The following BEND5 variants were observed in gnomAD, a reference collection of about 807,000 sequenced individuals.
BEND5 encodes the protein BEN domain containing 5.
BEND5 carries 22 observed loss-of-function variants against 43.9 expected under a neutral mutation model. The observed-to-expected ratio is 0.50, with a 90% CI of 0.36 to 0.72. The LOEUF (loss-of-function observed/expected upper bound fraction) is 0.72, where lower values mean the gene tolerates loss of function less well. Among genes scored for constraint, BEND5 ranks in the 30% least tolerant of loss-of-function variants. The pLI is 0.00. For synonymous variants in BEND5, 228 were observed against 225.9 expected (o/e 1.01, Z -0.08); for missense variants, 428 against 550.6 (o/e 0.78, Z 2.23).
At chr1:48,776,571 C>CCG in intron 1 of BEND5, 35 bp downstream of exon 1, 1 of 1,363,740 alleles carries the variant, frequency 7.3e-7, no homozygotes, top group Non-Finnish European at 9.5e-7. Flanking sequence ...AGCCCCCGCC[C>CCG]GGGTCCCACC....
intron 4 of BEND5, among the ~76,000 whole-genome samples, chr1:48,737,796 AC>A (rs547196070): frequency 1.3e-5 from 2 of 152,226 alleles, no homozygotes; most frequent in Non-Finnish European, 2.9e-5. Flanking sequence ...CATTAAAAAA[AC>A]AGTGTTCACT....
chr1:48,769,623 A>C (rs961821096), intron 1 of BEND5, among the ~76,000 whole-genome samples: 2 of 151,160 alleles, frequency 1.3e-5, no homozygotes, highest in African/African-American at 4.9e-5. Context: ...CCTCTAAGTC[A>C]TTCCTTTCCA....
At chr1:48,772,484 G>C (rs1205492392) in intron 1 of BEND5, among the ~76,000 whole-genome samples, 1 of 152,164 alleles carries the variant, frequency 6.6e-6, no homozygotes, top group Non-Finnish European at 1.5e-5. Flanking sequence ...AGGAGTGCGA[G>C]AGAGTGTGTT....
At chr1:48,772,059 A>C (rs1644862405) in intron 1 of BEND5, among the ~76,000 whole-genome samples, 1 of 152,202 alleles carries the variant, frequency 6.6e-6, no homozygotes, top group South Asian at 2.1e-4. Flanking sequence ...TGTCTTCCCA[A>C]AGTTGATGAG....
At chr1:48,729,089 G>C (rs1174126074) in intron 5 of BEND5, among the ~76,000 whole-genome samples, 4 of 152,088 alleles carry the variant, frequency 2.6e-5, no homozygotes, top group Non-Finnish European at 4.4e-5. Context: ...CATAAATAAG[G>C]ATAACAAACT....
At chr1:48,760,995 A>G (rs1431039590) in intron 2 of BEND5, 1 of 186,776 alleles carries the variant, frequency 5.4e-6, no homozygotes, top group East Asian at 1.3e-4. Context: ...ACTTCTCCCC[A>G]AGAACATCTG....
intron 5 of BEND5, among the ~76,000 whole-genome samples, chr1:48,731,235 G>T (rs955531061): frequency 4.6e-5 from 7 of 151,974 alleles, no homozygotes; most frequent in Non-Finnish European, 8.8e-5. Context: ...GTTATATTGT[G>T]GGATAGGAGA....
intron 2 of BEND5, 135 bp from the exon 3 acceptor site, chr1:48,759,419 CT>C: frequency 5.8e-6 from 8 of 1,375,566 alleles, no homozygotes; most frequent in Non-Finnish European, 6.7e-6. Flanking sequence ...TGTGCAAACA[CT>C]TAGTCAAAGC....
At chr1:48,730,831 C>T (rs961380911) in intron 5 of BEND5, among the ~76,000 whole-genome samples, 12 of 152,034 alleles carry the variant, frequency 7.9e-5, no homozygotes, top group African/African-American at 2.2e-4. Flanking sequence ...AAAAATTAAC[C>T]GGAACGCAAT....
At chr1:48,763,649 T>A (rs980839051) in intron 1 of BEND5, among the ~76,000 whole-genome samples, 5 of 152,184 alleles carry the variant, frequency 3.3e-5, no homozygotes, top group African/African-American at 1.2e-4. Context: ...AATGACAAGC[T>A]ATGCTATGCC....
chr1:48,732,759 C>A (rs772329602), intron 5 of BEND5, among the ~76,000 whole-genome samples: 3 of 152,054 alleles, frequency 2.0e-5, no homozygotes, highest in Non-Finnish European at 4.4e-5. Flanking sequence ...AGATTTCAAC[C>A]CAAAGTCAAG....
chr1:48,749,915 G>T (rs1651403747), intron 3 of BEND5, among the ~76,000 whole-genome samples: 1 of 152,218 alleles, frequency 6.6e-6, no homozygotes, highest in African/African-American at 2.4e-5. Flanking sequence ...CTGGGTTGGG[G>T]GGCTAAGGAG....
At chr1:48,753,099 G>A (rs962497906) in intron 3 of BEND5, among the ~76,000 whole-genome samples, 4 of 152,174 alleles carry the variant, frequency 2.6e-5, no homozygotes, top group Non-Finnish European at 5.9e-5. Context: ...TCACTCTCTT[G>A]TACAGATGAG....
chr1:48,748,815 G>A (rs113233036), intron 3 of BEND5, among the ~76,000 whole-genome samples: 3 of 152,228 alleles, frequency 2.0e-5, no homozygotes, highest in African/African-American at 7.2e-5. Flanking sequence ...GGAGGTGGGG[G>A]AGTAGTGAGG....
intron 1 of BEND5, 128 bp downstream of exon 1, chr1:48,776,478 G>A (rs1645089892): frequency 2.9e-6 from 2 of 693,218 alleles, no homozygotes; most frequent in South Asian, 2.5e-5. Context: ...ATGCCCAGAG[G>A]ACGGGAGAAG....
chr1:48,744,943 G>A (rs1650500530), intron 3 of BEND5, among the ~76,000 whole-genome samples: 1 of 152,236 alleles, frequency 6.6e-6, no homozygotes, highest in African/African-American at 2.4e-5. Flanking sequence ...TTAGACTTTC[G>A]GACATAGCTC....
chr1:48,749,027 G>C (rs367882702), intron 3 of BEND5, among the ~76,000 whole-genome samples: 7 of 152,046 alleles, frequency 4.6e-5, no homozygotes, highest in Non-Finnish European at 1.5e-5. Flanking sequence ...AAATGGATCC[G>C]AGAGAGCCCC....
chr1:48,755,529 C>G (rs1033104906), intron 3 of BEND5, among the ~76,000 whole-genome samples: 1 of 152,196 alleles, frequency 6.6e-6, no homozygotes, highest in Non-Finnish European at 1.5e-5. Flanking sequence ...GGGCAGAGAA[C>G]GGCAAAGCCT....
Position 48,758,922 on chromosome 1 carries a change from C to A in BEND5, c.723G>T (p.Val241=). The A allele has an allele frequency of 6.5e-7, 1 of 1,540,796 alleles. No homozygotes were observed. Among genetic ancestry groups the A allele is most frequent in the Non-Finnish European group, 8.7e-7 (1 of 1,146,158 alleles). The change falls in exon 3 of 6, where the codon GTG becomes GTT. Residue 241 remains valine, a synonymous_variant. Coordinates refer to ENST00000371833, the MANE Select transcript of BEND5 (RefSeq NM_024603.4). ...LRDLNRRLQD[V]LLLRLGSGPA... Reference sequence around the variant, plus strand: ...CACCGCTGCCAAGCCGCAGGAGCAGCACGTCCTGGAGCCTCCGGTTAAGGT... The same window carrying A: ...CACCGCTGCCAAGCCGCAGGAGCAGAACGTCCTGGAGCCTCCGGTTAAGGT...
Sources: allele counts gnomAD v4.1 joint callset (sites outside exome capture counted in the v4.1 genomes callset), GRCh38; gene constraint gnomAD v4.1.1; transcripts MANE v1.5; gene names NCBI Gene and HGNC (gene_info 2026-07-23, HGNC 2026-07-21).